The following GRIP1 variants were observed in gnomAD, a reference collection of about 807,000 sequenced individuals.
GRIP1 encodes glutamate receptor interacting protein 1, also known as glutamate receptor-interacting protein 1.
A neutral mutation model predicts 129.9 loss-of-function variants in GRIP1; 45 were observed. The ratio of observed to expected loss-of-function variants is 0.35; its 90% confidence interval spans 0.27 to 0.44. The LOEUF (loss-of-function observed/expected upper bound fraction) is 0.44. Ranked by LOEUF, GRIP1 falls within the 20% of genes least tolerant of loss-of-function variation. The pLI, the probability that GRIP1 is intolerant of heterozygous loss-of-function variation, is 1.00. For synonymous variants in GRIP1, 530 were observed against 520.8 expected (o/e 1.02, Z -0.24); for missense variants, 1,196 against 1,396.8 (o/e 0.86, Z 2.29).
intron 7 of GRIP1, among the ~76,000 whole-genome samples, chr12:66,474,658 A>G (rs2138459771): frequency 6.6e-6 from 1 of 152,154 alleles, no homozygotes; most frequent in South Asian, 2.1e-4. Context: ...GCCAGAAGAG[A>G]GTGGGGGCCA....
chr12:66,770,165 C>T (rs1484756908), intron 1 of GRIP1, among the ~76,000 whole-genome samples: 2 of 152,022 alleles, frequency 1.3e-5, no homozygotes, highest in South Asian at 2.1e-4. Flanking sequence ...AGCAAGTGTT[C>T]GATAAATGTG....
intron 1 of GRIP1, among the ~76,000 whole-genome samples, chr12:66,853,460 CA>C (rs1342653420): frequency 2.6e-5 from 4 of 151,604 alleles, no homozygotes; most frequent in African/African-American, 9.7e-5. Flanking sequence ...TTTCTCCTTA[CA>C]TAATCAAAAG....
intron 2 of GRIP1, chr12:66,569,217 G>A (rs1021381078): frequency 5.7e-5 from 11 of 191,566 alleles, no homozygotes; most frequent in East Asian, 3.5e-4. Flanking sequence ...GGTGGCTCAC[G>A]TCTGTAATCC....
intron 8 of GRIP1, among the ~76,000 whole-genome samples, chr12:66,463,329 T>A (rs188535864): frequency 1.4e-5 from 2 of 144,860 alleles, no homozygotes; most frequent in Non-Finnish European, 3.1e-5. Flanking sequence ...TCTCTTGTCT[T>A]TCTTTAAAAA....
chr12:66,983,296 A>G (rs925318374), intron 1 of GRIP1, among the ~76,000 whole-genome samples: 1 of 152,176 alleles, frequency 6.6e-6, no homozygotes, highest in African/African-American at 2.4e-5. Flanking sequence ...AAATTAATAA[A>G]TTAATAACAA....
At position 66,420,717 on chromosome 12, in the gene GRIP1, T is replaced by C. The variant is rs2057775340; in HGVS notation, c.1838+3A>G. 5.3e-6 allele frequency: 8 copies of C among 1,508,312 alleles called. No individual in the cohort carries two copies. Among genetic ancestry groups the C allele is most frequent in the African/African-American group, 1.4e-5 (1 of 73,420 alleles). The allele number at this position is 1,508,312 out of a possible 1,614,324, so 93.4% of individuals were successfully genotyped here. A position where few individuals can be genotyped will look rare whatever the true frequency, so the allele number is the denominator to read the frequency against. ...AATGAATCAGAAAATCCATTTTCCT[T>C]ACCTGTGTGCCACACTCCCTTTCTT... On this transcript the variant is annotated splice_donor_region_variant and intron_variant, in intron 15 of 24. Transcript: ENST00000359742.
At chr12:66,401,449 G>T (rs1321908676) in intron 16 of GRIP1, among the ~76,000 whole-genome samples, 2 of 151,468 alleles carry the variant, frequency 1.3e-5, no homozygotes, top group African/African-American at 2.4e-5. Context: ...CATGGTGGTG[G>T]ACACCTGTAA....
rs961334002 is a variant in GRIP1 at position 66,626,402 on chromosome 12, A to G, written c.56-29475T>C. On this transcript the variant is annotated intron_variant, in intron 1 of 24. Coordinates refer to ENST00000359742, the MANE Select transcript of GRIP1 (RefSeq NM_001366722.1). ...GCTAAAAGAGTCAAACAAAAGTTCA[A>G]TTAAAAATCAATATATTTATAACTA... is the stretch of plus-strand genomic sequence containing the variant. 8.3e-5 allele frequency among the ~76,000 whole-genome samples: 12 copies of G among 144,964 alleles called. No individual in the cohort carries two copies. The East Asian group carries it at 2.4e-3, about 29-fold the overall frequency.
chr12:66,502,054 C>A (rs1285091475), intron 7 of GRIP1, among the ~76,000 whole-genome samples: 1 of 152,054 alleles, frequency 6.6e-6, no homozygotes, highest in African/African-American at 2.4e-5. Context: ...TTATTTATAG[C>A]ATTTTTGTTT....
chr12:66,834,322 C>T (rs1008441437), intron 1 of GRIP1, among the ~76,000 whole-genome samples: 3 of 151,962 alleles, frequency 2.0e-5, no homozygotes, highest in Non-Finnish European at 4.4e-5. Context: ...AGTGGCAAAA[C>T]CAGGACTCAA....
chr12:66,507,779 C>A (rs569737680), intron 7 of GRIP1, among the ~76,000 whole-genome samples: 6 of 148,914 alleles, frequency 4.0e-5, no homozygotes, highest in Non-Finnish European at 5.9e-5. Context: ...TTCTTTCTTT[C>A]TTTTTTTTTA....
At chr12:66,959,698 T>C (rs1020408718) in intron 1 of GRIP1, among the ~76,000 whole-genome samples, 1 of 152,196 alleles carries the variant, frequency 6.6e-6, no homozygotes, top group Non-Finnish European at 1.5e-5. Context: ...AATATATATG[T>C]ATCTCTTTCC....
intron 7 of GRIP1, among the ~76,000 whole-genome samples, chr12:66,476,176 A>C (rs1461190823): frequency 6.6e-6 from 1 of 152,210 alleles, no homozygotes; most frequent in Non-Finnish European, 1.5e-5. Flanking sequence ...AAAAATGATA[A>C]AGGGGATATC....
At position 67,000,117 on chromosome 12, in the gene GRIP1, C is replaced by T. The variant is rs181918585; in HGVS notation, c.58+68933G>A. Among the ~76,000 whole-genome samples, 20 of 152,266 alleles carry T rather than the reference C, an allele frequency of 1.3e-4. No homozygotes were observed. In the East Asian group the frequency reaches 3.9e-3, roughly 29 times the overall value. Reference sequence around the variant, plus strand: ...ATGTTTATTGTCACCTCGAACTAGGCAAGGACCTCTCGAGGGAAGCAACTC... The same window carrying T: ...ATGTTTATTGTCACCTCGAACTAGGTAAGGACCTCTCGAGGGAAGCAACTC... On this transcript the variant is annotated intron_variant, in intron 1 of 1. Coordinates refer to the GRIP1 transcript ENST00000643019.
At chr12:66,798,716 C>A (rs2038771899) in intron 1 of GRIP1, among the ~76,000 whole-genome samples, 1 of 152,062 alleles carries the variant, frequency 6.6e-6, no homozygotes, top group Admixed American at 6.6e-5. Context: ...TATTTGCAAA[C>A]CACAGAGCAA....
intron 2 of GRIP1, among the ~76,000 whole-genome samples, chr12:66,581,481 G>A (rs1267538784): frequency 6.9e-6 from 1 of 145,742 alleles, no homozygotes; most frequent in Non-Finnish European, 1.5e-5. Flanking sequence ...TTTTTTGAAA[G>A]GATCAACAAA....
chr12:66,947,079 T>C (rs1190520546), intron 1 of GRIP1, among the ~76,000 whole-genome samples: 3 of 151,554 alleles, frequency 2.0e-5, no homozygotes, highest in African/African-American at 7.3e-5. Flanking sequence ...GAAGTTCTCA[T>C]CCCCATATCC....
intron 1 of GRIP1, among the ~76,000 whole-genome samples, chr12:66,949,227 T>C (rs1272895720): frequency 6.6e-6 from 1 of 152,198 alleles, no homozygotes; most frequent in Non-Finnish European, 1.5e-5. Flanking sequence ...TAATTTTAGA[T>C]TATTCACTAT....
intron 1 of GRIP1, among the ~76,000 whole-genome samples, chr12:66,729,677 C>T (rs1451084862): frequency 6.6e-6 from 1 of 152,062 alleles, no homozygotes; most frequent in Non-Finnish European, 1.5e-5. Flanking sequence ...GGGTTCATGC[C>T]ATTCTCCTGC....
Sources: allele counts gnomAD v4.1 joint callset (sites outside exome capture counted in the v4.1 genomes callset), GRCh38; gene constraint gnomAD v4.1.1; transcripts MANE v1.5; gene names NCBI Gene and HGNC (gene_info 2026-07-23, HGNC 2026-07-21).